RBCK1: variants seen among roughly 807,000 people sequenced by gnomAD.
RBCK1 encodes RANBP2-type and C3HC4-type zinc finger containing 1, also known as ranBP-type and C3HC4-type zinc finger-containing protein 1.
Under a neutral mutation model 71.1 loss-of-function variants are expected in RBCK1, and 44 were observed. The observed-to-expected ratio is 0.62, with a 90% CI of 0.49 to 0.80. The LOEUF is 0.80. Ranked by LOEUF, RBCK1 falls within the 30% of genes least tolerant of loss-of-function variation. The probability of loss-of-function intolerance (pLI) is 0.00; values close to 1 mark genes in which losing one functional copy is unlikely to be tolerated. For missense variants in RBCK1, 569 were observed against 685.0 expected, an observed-to-expected ratio of 0.83 and a Z score of 1.89; for synonymous variants, 306 against 279.7, an observed-to-expected ratio of 1.09 and a Z score of -0.94.
At chr20:421,996 A>G in intron 7 of RBCK1, 131 bp from the exon 8 acceptor site, 1 of 634,652 alleles carries the variant, frequency 1.6e-6, no homozygotes, top group African/African-American at 1.8e-5. Flanking sequence ...GGAAGGAAGG[A>G]GATATTGAGG....
rs902181611 is a variant in RBCK1 at position 427,889 on chromosome 20, C to T, written c.1209+397C>T. On this transcript the variant is annotated intron_variant, in intron 9 of 11. Transcript: ENST00000356286. ...CCCATATTCAGCTCAGACCCTGAAC[C>T]GAGCTCTGACCCTGGCTTCTGACTG... is the stretch of plus-strand genomic sequence containing the variant. Among the ~76,000 whole-genome samples the T allele has an allele frequency of 1.3e-3, 196 of 152,274 alleles. 1 individual carries two copies. Among genetic ancestry groups the T allele is most frequent in the African/African-American group, 4.4e-3 (181 of 41,550 alleles).
In RBCK1 at chr20:432,037, T is replaced by G. The variant is rs1205746561; in HGVS notation, c.*1607T>G. Reference sequence around the variant, plus strand: ...TTGTGGTACCACAGGCTGTAACCAGTCCACCCAGTGTTGTTTTAGAAATTT... The same window carrying G: ...TTGTGGTACCACAGGCTGTAACCAGGCCACCCAGTGTTGTTTTAGAAATTT... On this transcript the variant is annotated 3_prime_UTR_variant, in exon 12 of 12. Transcript: ENST00000356286. This position sits in a 1 kb window ranked among gnomAD's most constrained non-coding sequence, Gnocchi z 4.3. Among the ~76,000 whole-genome samples, 2 of 152,220 alleles carry G rather than the reference T, an allele frequency of 1.3e-5. No homozygotes were observed. Among genetic ancestry groups the G allele is most frequent in the Non-Finnish European group, 2.9e-5 (2 of 68,046 alleles).
chr20:419,844 C>T (rs2122249123), intron 6 of RBCK1, 113 bp downstream of exon 6: 2 of 1,441,524 alleles, frequency 1.4e-6, no homozygotes, highest in Middle Eastern at 2.1e-4. Flanking sequence ...TTGCCCCTCC[C>T]AACCATGCTG....
chr20:413,409 T>C (rs2015815517), intron 2 of RBCK1, among the ~76,000 whole-genome samples: 1 of 152,216 alleles, frequency 6.6e-6, no homozygotes, highest in Non-Finnish European at 1.5e-5. Flanking sequence ...GATATCTACT[T>C]CTTGAAATGA....
At chr20:416,321 A>T (rs77307851) in intron 2 of RBCK1, among the ~76,000 whole-genome samples, 1 of 151,224 alleles carries the variant, frequency 6.6e-6, no homozygotes, top group Non-Finnish European at 1.5e-5. Flanking sequence ...GTGCCTGGCT[A>T]ATTTTTTTTT....
At position 419,674 on chromosome 20, in the gene RBCK1, C is replaced by CGAG. The variant is rs2016252024; in HGVS notation, c.706_708dup (p.Glu236dup). On this transcript the variant is annotated inframe_insertion, in exon 6 of 12. Coordinates refer to ENST00000356286, the MANE Select transcript of RBCK1 (RefSeq NM_031229.4). ...AGGTCCCCGCCTCATACCAGCCCGACGAGGAGGAGCGAGCGCGCCTGGCGG... is the reference window on the plus strand; with the variant it reads ...AGGTCCCCGCCTCATACCAGCCCGACGAGGAGGAGGAGCGAGCGCGCCTGGCGG... 6.3e-7 allele frequency: 1 copy of CGAG among 1,578,488 alleles called. No homozygotes were observed. Among genetic ancestry groups the CGAG allele is most frequent in the African/African-American group, 1.3e-5 (1 of 74,252 alleles).
At chr20:416,316 TG>T (rs2015988827) in intron 2 of RBCK1, among the ~76,000 whole-genome samples, 1 of 151,876 alleles carries the variant, frequency 6.6e-6, no homozygotes, top group Non-Finnish European at 1.5e-5. Context: ...CCACCGTGCC[TG>T]GCTAATTTTT....
intron 1 of RBCK1, among the ~76,000 whole-genome samples, chr20:409,053 G>A (rs2015542315): frequency 6.6e-6 from 1 of 152,216 alleles, no homozygotes; most frequent in Non-Finnish European, 1.5e-5. Context: ...TGGGCTGGTG[G>A]GAGACAGACG....
intron 2 of RBCK1, among the ~76,000 whole-genome samples, chr20:415,084 A>C (rs2015910910): frequency 6.6e-6 from 1 of 152,222 alleles, no homozygotes; most frequent in African/African-American, 2.4e-5. Flanking sequence ...TCTTCAAAAA[A>C]TTAGGACTTG....
At position 422,396 on chromosome 20, in the gene RBCK1, ATCAT is replaced by A. The variant is rs1486020043; in HGVS notation, c.1029+163_1029+166del. 6.6e-6 allele frequency among the ~76,000 whole-genome samples: 1 copy of A among 151,482 alleles called. No individual in the cohort carries two copies. Among genetic ancestry groups the A allele is most frequent in the East Asian group, 1.9e-4 (1 of 5,158 alleles). ...GGTCTCAAACTCCTGGGCTTAAGCG[ATCAT>A]TCATCCTCAGCCCCCCAGACATTTT... On this transcript the variant is annotated intron_variant, in intron 8 of 11. Transcript: ENST00000356286. This position sits in a 1 kb window ranked among gnomAD's most constrained non-coding sequence, Gnocchi z 5.0.
chr20:418,614 C>T lies in RBCK1; in HGVS notation c.460+684C>T, dbSNP rs529496478. ...CGATCTCCTGACTTTGTGATCCGCC[C>T]GCCTCGGCCTCCCAAAGTGCTGGGA... On this transcript the variant is annotated intron_variant, in intron 4 of 11. Coordinates refer to ENST00000356286, the MANE Select transcript of RBCK1 (RefSeq NM_031229.4). Among the ~76,000 whole-genome samples, 45 of 152,124 alleles carry T rather than the reference C, an allele frequency of 3.0e-4. 1 individual carries two copies. Among genetic ancestry groups the T allele is most frequent in the South Asian group, 1.0e-3 (5 of 4,828 alleles).
rs577067705 is a variant in RBCK1 at position 418,408 on chromosome 20, G to T, written c.460+478G>T. On this transcript the variant is annotated intron_variant, in intron 4 of 11. Transcript: ENST00000356286. The stretch of plus-strand genomic sequence containing the variant: ...TTTTGAGACGGAGTCTCGCTCTGTC[G>T]CCCAGGCTGGAGTGCAGTGGCACAA... Among the ~76,000 whole-genome samples the T allele has an allele frequency of 1.0e-3, 155 of 151,610 alleles. No homozygotes were observed. In the Middle Eastern group the frequency reaches 0.024, roughly 23 times the overall value.
chr20:419,829 C>T, intron 6 of RBCK1, 98 bp downstream of exon 6: 2 of 1,455,040 alleles, frequency 1.4e-6, no homozygotes, highest in Non-Finnish European at 1.8e-6. Context: ...CTCTCCGTTA[C>T]TGCCTTGCCC....
chr20:417,088 T>TGGTAGGG lies in RBCK1; in HGVS notation c.168-438_168-437insGGTAGGG. On this transcript the variant is annotated intron_variant, in intron 2 of 11. Transcript: ENST00000356286. This position sits in a 1 kb window ranked among gnomAD's most constrained non-coding sequence, Gnocchi z 4.7. ...GGAACCTATCTGTGCCTCACATTTTTATCTGTAAAACAGGGATACAGCAGT... is the reference window on the plus strand; with the variant it reads ...GGAACCTATCTGTGCCTCACATTTTTGGTAGGGATCTGTAAAACAGGGATACAGCAGT... 1 of 409,806 alleles carries TGGTAGGG rather than the reference T, an allele frequency of 2.4e-6. No individual in the cohort carries two copies. The highest frequency in any genetic ancestry group is 2.8e-5 in the Admixed American group (1 of 35,602). The allele number at this position is 409,806 out of a possible 1,614,324, so 25.4% of individuals were successfully genotyped here. A position where few individuals can be genotyped will look rare whatever the true frequency, so the allele number is the denominator to read the frequency against.
Position 417,782 on chromosome 20 carries a change from G to A in RBCK1, c.312G>A (p.Gly104=). The A allele has an allele frequency of 6.2e-7, 1 of 1,614,044 alleles. No individual in the cohort carries two copies. The highest frequency in any genetic ancestry group is 8.5e-7 in the Non-Finnish European group (1 of 1,179,960). Reference sequence around the variant, plus strand: ...CAGTCTTGCAGCAGTGGGTGATTGGGCAGCGGCTGGCACGAGACCAGGAGA... The same window carrying A: ...CAGTCTTGCAGCAGTGGGTGATTGGACAGCGGCTGGCACGAGACCAGGAGA... ...FPPVLQQWVI[G]QRLARDQETL... is the part of the protein sequence containing the mutation. Residue 104 remains glycine (G), a synonymous_variant, in exon 4 of 12, where the codon GGG becomes GGA. Coordinates refer to ENST00000356286, the MANE Select transcript of RBCK1 (RefSeq NM_031229.4). The surrounding 1 kb of genome is among the most constrained non-coding windows in gnomAD (Gnocchi z 4.7).
intron 6 of RBCK1, chr20:419,975 C>A: frequency 1.0e-6 from 1 of 985,222 alleles, no homozygotes; most frequent in Non-Finnish European, 1.2e-6. Context: ...GTTCACATGC[C>A]CCACTCCCAC....
intron 1 of RBCK1, among the ~76,000 whole-genome samples, chr20:409,253 C>T (rs2015552614): frequency 6.6e-6 from 1 of 152,242 alleles, no homozygotes; most frequent in East Asian, 1.9e-4. Context: ...GCTCACTCTA[C>T]TGGAGCCCCA....
At chr20:408,904 TC>T in intron 1 of RBCK1, 125 bp downstream of exon 1, 1 of 1,153,670 alleles carries the variant, frequency 8.7e-7, no homozygotes, top group Non-Finnish European at 1.2e-6. Flanking sequence ...TCTACCCTCC[TC>T]CCCATCAGTT....
At position 428,268 on chromosome 20, in the gene RBCK1, G is replaced by A. The variant is rs1163852096; in HGVS notation, c.1210-223G>A. 6.6e-6 allele frequency among the ~76,000 whole-genome samples: 1 copy of A among 152,220 alleles called. No individual in the cohort carries two copies. Among genetic ancestry groups the A allele is most frequent in the East Asian group, 1.9e-4 (1 of 5,200 alleles). On this transcript the variant is annotated intron_variant, in intron 9 of 11. Transcript: ENST00000356286. This position sits in a 1 kb window ranked among gnomAD's most constrained non-coding sequence, Gnocchi z 5.7. Reference sequence around the variant, plus strand: ...AGTGGTCCCAGCTACTCAGGAGGCTGAGGTATATTTTGCTGTTAGCATATG... The same window carrying A: ...AGTGGTCCCAGCTACTCAGGAGGCTAAGGTATATTTTGCTGTTAGCATATG...
Sources: gnomAD v4.1 joint callset for allele counts (sites outside exome capture counted in the v4.1 genomes callset) on GRCh38, gnomAD v4.1.1 for gene constraint, Gnocchi (gnomAD v3.1) non-coding constraint, MANE v1.5 for transcripts, NCBI Gene and HGNC (gene_info 2026-07-23, HGNC 2026-07-21) for gene names.